Variants in PGAP1 observed in about 807,000 individuals in gnomAD.
The protein encoded by PGAP1 is GPI inositol-deacylase.
In PGAP1, 76 loss-of-function variants were observed where a neutral mutation model predicts 127.0. That is an observed-to-expected ratio of 0.60 (90% CI 0.50 to 0.72). The LOEUF is 0.72. Ranked by LOEUF, PGAP1 falls within the 30% of genes least tolerant of loss-of-function variation. The probability of loss-of-function intolerance (pLI) is 0.00; values close to 1 mark genes in which losing one functional copy is unlikely to be tolerated. For missense variants in PGAP1, 982 were observed against 1,071.3 expected (o/e 0.92, Z 1.16); for synonymous variants, 362 against 366.5 (o/e 0.99, Z 0.14).
At chr2:196,868,352 A>G (rs1282167782) in intron 19 of PGAP1, among the ~76,000 whole-genome samples, 2 of 152,196 alleles carry the variant, frequency 1.3e-5, no homozygotes, top group Non-Finnish European at 2.9e-5. Context: ...TTAATGATAG[A>G]GGATCATCGT....
intron 4 of PGAP1, among the ~76,000 whole-genome samples, chr2:196,904,685 G>A (rs572591498): frequency 1.8e-3 from 281 of 152,054 alleles, no homozygotes; most frequent in Non-Finnish European, 3.5e-3. Context: ...CCGAGATTGC[G>A]CCACTGCACT....
chr2:196,892,331 T>C lies in PGAP1; in HGVS notation c.1089+15A>G, dbSNP rs761071024. 2 of 1,302,364 alleles carry C rather than the reference T, an allele frequency of 1.5e-6. No individual in the cohort carries two copies. The highest frequency in any genetic ancestry group is 2.7e-5 in the South Asian group (2 of 72,770). The allele number at this position is 1,302,364 out of a possible 1,614,324, so 80.7% of individuals were successfully genotyped here. On this transcript the variant is annotated intron_variant, in intron 9 of 26. Transcript: ENST00000354764. ...GGAAAAAACATGAAAAAAAATCCATTGGTGGAATACTTACGTTGTAAGCTA... is the reference window on the plus strand; with the variant it reads ...GGAAAAAACATGAAAAAAAATCCATCGGTGGAATACTTACGTTGTAAGCTA...
rs566553730 is a variant in PGAP1, at chr2:196,903,347, G to A, written c.650-605C>T. Among the ~76,000 whole-genome samples the A allele has an allele frequency of 2.0e-5, 3 of 151,852 alleles. No individual in the cohort carries two copies. In the South Asian group the frequency reaches 6.3e-4, roughly 32 times the overall value. On this transcript the variant is annotated intron_variant, in intron 4 of 26. Coordinates refer to ENST00000354764, the MANE Select transcript of PGAP1 (RefSeq NM_024989.4). ...GGAGGCTGAGGAAGGCAGATCACGA[G>A]GTCAGGAGTTTGAGACTAGCCTGGC...
At chr2:196,866,005 C>T (rs1469355151) in intron 19 of PGAP1, among the ~76,000 whole-genome samples, 1 of 152,194 alleles carries the variant, frequency 6.6e-6, no homozygotes, top group Non-Finnish European at 1.5e-5. Context: ...ATTTCATGCT[C>T]ATGGATAGGA....
In PGAP1 at chr2:196,841,214, A is replaced by T; in HGVS notation, c.*20T>A. ...GGCCCTAAACACATAAATTATCTTC[A>T]TCATTCCTTAAGTCCAATCTTACAT... On this transcript the variant is annotated 3_prime_UTR_variant, in exon 27 of 27. Coordinates refer to ENST00000354764, the MANE Select transcript of PGAP1 (RefSeq NM_024989.4). 1 of 1,605,958 alleles carries T rather than the reference A, an allele frequency of 6.2e-7. No individual in the cohort carries two copies. Among genetic ancestry groups the T allele is most frequent in the Non-Finnish European group, 8.5e-7 (1 of 1,176,156 alleles).
chr2:196,834,045 A>T lies in PGAP1; in HGVS notation c.*7189T>A, dbSNP rs368778267. 2.0e-5 allele frequency: 3 copies of T among 152,186 alleles called. No homozygotes were observed. Among genetic ancestry groups the T allele is most frequent in the African/African-American group, 7.2e-5 (3 of 41,576 alleles). The allele number at this position is 152,186 out of a possible 1,614,324, so 9.4% of individuals were successfully genotyped here. On this transcript the variant is annotated 3_prime_UTR_variant, in exon 27 of 27. Coordinates refer to ENST00000354764, the MANE Select transcript of PGAP1 (RefSeq NM_024989.4). Reference sequence around the variant, plus strand: ...TAAATTAACCTTATTTGATATATATAAGCCTCAATAAGTTCAGAAAGAATG... The same window carrying T: ...TAAATTAACCTTATTTGATATATATTAGCCTCAATAAGTTCAGAAAGAATG...
chr2:196,841,470 T>G (rs928638117), intron 26 of PGAP1, 98 bp from the exon 27 acceptor site: 15 of 877,532 alleles, frequency 1.7e-5, no homozygotes, highest in Admixed American at 3.1e-5. Context: ...ATAAATATTC[T>G]AAGTGAATTT....
In PGAP1 at chr2:196,902,789, T is replaced by C. The variant is rs1014048459; in HGVS notation, c.650-47A>G. 6.3e-6 allele frequency: 9 copies of C among 1,425,158 alleles called. No individual in the cohort carries two copies. The Admixed American group carries it at 1.2e-4, about 19-fold the overall frequency. 88.3% of individuals were successfully genotyped at this position (1,425,158 alleles called of 1,614,324 possible). On this transcript the variant is annotated intron_variant, in intron 4 of 26. Coordinates refer to ENST00000354764, the MANE Select transcript of PGAP1 (RefSeq NM_024989.4). ...ACATTAAAAAACAGTAGCCATTCCC[T>C]GAAACAATAAGATATCTATACAGTA... is the stretch of plus-strand genomic sequence containing the variant.
intron 19 of PGAP1, among the ~76,000 whole-genome samples, chr2:196,868,610 T>C (rs1576124854): frequency 6.6e-6 from 1 of 152,240 alleles, no homozygotes; most frequent in South Asian, 2.1e-4. Context: ...ACTTCATTAC[T>C]GCACAGAAAT....
Position 196,913,271 on chromosome 2 carries a change from G to A in PGAP1, c.478-218C>T, listed in dbSNP as rs902276221. Among the ~76,000 whole-genome samples the A allele has an allele frequency of 3.3e-5, 5 of 152,032 alleles. No individual in the cohort carries two copies. In the South Asian group the frequency reaches 6.2e-4, roughly 19 times the overall value. ...CAAACATTTTTAACAGGTATATCTTGGTTTTCTGGGCCAAGAGGAACAGTT... is the reference window on the plus strand; with the variant it reads ...CAAACATTTTTAACAGGTATATCTTAGTTTTCTGGGCCAAGAGGAACAGTT... On this transcript the variant is annotated intron_variant, in intron 3 of 26. Coordinates refer to ENST00000354764, the MANE Select transcript of PGAP1 (RefSeq NM_024989.4).
intron 4 of PGAP1, 128 bp downstream of exon 4, chr2:196,912,754 G>A: frequency 1.3e-6 from 1 of 741,346 alleles, no homozygotes; most frequent in Non-Finnish European, 2.0e-6. Flanking sequence ...TGGAGGTGCT[G>A]ATTTGCAACT....
At chr2:196,904,210 G>A (rs1246953469) in intron 4 of PGAP1, among the ~76,000 whole-genome samples, 1 of 152,176 alleles carries the variant, frequency 6.6e-6, no homozygotes, top group East Asian at 1.9e-4. Context: ...CTGGATGGTG[G>A]CAGCATGGGA....
intron 20 of PGAP1, among the ~76,000 whole-genome samples, chr2:196,856,312 C>A (rs977419319): frequency 2.0e-5 from 3 of 152,128 alleles, no homozygotes; most frequent in African/African-American, 7.2e-5. Flanking sequence ...GCCACCATGC[C>A]CAGCCCTCAA....
Position 196,865,067 on chromosome 2 carries a change from T to G in PGAP1, c.1781A>C (p.His594Pro). 1.9e-6 allele frequency: 3 copies of G among 1,558,062 alleles called. No homozygotes were observed. The highest frequency in any genetic ancestry group is 2.6e-6 in the Non-Finnish European group (3 of 1,159,092). ...SQILGQVVRF[H>P]GGALPAYVVS... ...GACATAAGCAGGAAGAGCTCCACCA[T>G]GAAATCTAACTACCTAAAAAACAGG... Residue 594 changes from histidine to proline, a missense_variant, in exon 20 of 27, where the codon CAT becomes CCT. Physicochemically the swap from His to Pro is moderately conservative, Grantham distance 77. Coordinates refer to ENST00000354764, the MANE Select transcript of PGAP1 (RefSeq NM_024989.4).
intron 20 of PGAP1, among the ~76,000 whole-genome samples, chr2:196,858,225 C>G (rs1576107568): frequency 6.6e-6 from 1 of 151,220 alleles, no homozygotes; most frequent in Non-Finnish European, 1.5e-5. Context: ...CAAGGTGAAA[C>G]CCTGTCTCTA....
intron 20 of PGAP1, among the ~76,000 whole-genome samples, chr2:196,864,583 C>CA (rs1701178545): frequency 6.6e-6 from 1 of 151,892 alleles, no homozygotes; most frequent in Admixed American, 6.6e-5. Context: ...TGGTTAGACT[C>CA]AAAGTTATTC....
chr2:196,873,918 A>ATTTGT lies in PGAP1; in HGVS notation c.1427-161_1427-160insACAAA, dbSNP rs527495557. 1.0e-3 allele frequency: 535 copies of ATTTGT among 531,584 alleles called. 2 individuals carry two copies. Among genetic ancestry groups the ATTTGT allele is most frequent in the East Asian group, 9.8e-3 (328 of 33,596 alleles). The allele number at this position is 531,584 out of a possible 1,614,324, so 32.9% of individuals were successfully genotyped here. A position where few individuals can be genotyped will look rare whatever the true frequency, so the allele number is the denominator to read the frequency against. ...ACTCCTAAAAATCTAATCTCCCAGC[A>ATTTGT]ATAAACTCTAGACAAAATAAATTTT... On this transcript the variant is annotated intron_variant, in intron 14 of 26. Transcript: ENST00000354764.
chr2:196,844,449 TAAA>T (rs3839046), intron 24 of PGAP1, 72 bp downstream of exon 24: 1 of 933,260 alleles, frequency 1.1e-6, no homozygotes, highest in Non-Finnish European at 1.6e-6. Context: ...ATACTAACCT[TAAA>T]AAAAAAAACT....
chr2:196,883,738 A>G (rs60445597), intron 12 of PGAP1, among the ~76,000 whole-genome samples: 15,536 of 152,238 alleles, frequency 0.1, 961 homozygotes, highest in African/African-American at 0.17. Flanking sequence ...AATATGAATA[A>G]AATTTATAAA....
Sources: gnomAD v4.1 joint callset for allele counts (sites outside exome capture counted in the v4.1 genomes callset) on GRCh38, gnomAD v4.1.1 for gene constraint, MANE v1.5 for transcripts, NCBI Gene and HGNC (gene_info 2026-07-23, HGNC 2026-07-21) for gene names.